Variants in C4orf50 observed in about 807,000 individuals in gnomAD.
C4orf50 encodes the protein chromosome 4 open reading frame 50.
A neutral mutation model predicts 77.2 loss-of-function variants in C4orf50; 80 were observed. That is an observed-to-expected ratio of 1.04 (90% CI 0.87 to 1.25). The LOEUF is 1.25. Among genes scored for constraint, C4orf50 ranks in the 50% most tolerant of loss-of-function variants. The probability of loss-of-function intolerance (pLI) is 0.00; values close to 1 mark genes in which losing one functional copy is unlikely to be tolerated. For synonymous variants in C4orf50, 532 were observed against 465.3 expected (o/e 1.14, Z -1.84); for missense variants, 1,257 against 1,152.9 (o/e 1.09, Z -1.31).
intron 7 of C4orf50, among the ~76,000 whole-genome samples, chr4:5,927,502 G>A (rs562821226): frequency 6.6e-6 from 1 of 152,110 alleles, no homozygotes; most frequent in Non-Finnish European, 1.5e-5. Context: ...CCCATGTGTT[G>A]AGGGAGGGAC....
At chr4:5,980,324 C>T in exon 29 of C4orf50, 1 of 1,610,742 alleles carries the variant, frequency 6.2e-7, no homozygotes, top group Non-Finnish European at 8.5e-7. Context: ...TAACCTCGGC[C>T]TCTGAGTCCC....
intron 7 of C4orf50, among the ~76,000 whole-genome samples, chr4:5,950,542 G>T (rs773874086): frequency 6.6e-6 from 1 of 152,148 alleles, no homozygotes; most frequent in Non-Finnish European, 1.5e-5. Flanking sequence ...GGTTGAATCT[G>T]TTCTTTTACT....
At chr4:5,910,907 CTTTTTTT>C (rs33913636) in intron 7 of C4orf50, among the ~76,000 whole-genome samples, 24 of 106,552 alleles carry the variant, frequency 2.3e-4, no homozygotes, top group African/African-American at 8.7e-4. Flanking sequence ...CCCTTTCTTT[CTTTTTTT>C]TTTTTTTTTT....
chr4:6,010,283 T>G (rs1325734409), intron 24 of C4orf50, among the ~76,000 whole-genome samples: 1 of 152,152 alleles, frequency 6.6e-6, no homozygotes, highest in East Asian at 1.9e-4. Context: ...CAGGGAGAAG[T>G]AACTCGATTT....
At chr4:6,004,800 ATGGTGATGT>A (rs1053955161) in intron 25 of C4orf50, among the ~76,000 whole-genome samples, 2 of 149,932 alleles carry the variant, frequency 1.3e-5, no homozygotes, top group African/African-American at 4.9e-5. Context: ...GGTGATGGTG[ATGGTGATGT>A]TGGTGATGAT....
chr4:5,982,817 C>G (rs1208546389), intron 28 of C4orf50, among the ~76,000 whole-genome samples: 1 of 151,888 alleles, frequency 6.6e-6, no homozygotes, highest in Non-Finnish European at 1.5e-5. Flanking sequence ...GGAGGAGAGG[C>G]CCCCCAGCAG....
chr4:5,990,935 G>C, intron 27 of C4orf50, 111 bp from the exon 6 acceptor site: 1 of 397,884 alleles, frequency 2.5e-6, no homozygotes, highest in Non-Finnish European at 4.4e-6. Context: ...GCTGCACAGG[G>C]GACAAGCTCT....
chr4:5,959,197 C>T, exon 34 of C4orf50: 2 of 711,146 alleles, frequency 2.8e-6, no homozygotes, highest in Non-Finnish European at 4.6e-6. Context: ...TTGCCAGGCA[C>T]AGGCCAGCGT....
chr4:5,949,497 C>G (rs529880101), intron 7 of C4orf50, among the ~76,000 whole-genome samples: 1 of 152,166 alleles, frequency 6.6e-6, no homozygotes, highest in African/African-American at 2.4e-5. Flanking sequence ...AGTAGCCGGA[C>G]TTATAGAGAC....
At chr4:5,926,763 C>T (rs1007118016) in intron 7 of C4orf50, among the ~76,000 whole-genome samples, 1 of 152,088 alleles carries the variant, frequency 6.6e-6, no homozygotes, top group African/African-American at 2.4e-5. Context: ...GCGCCCAGGC[C>T]CACCCTGCCT....
chr4:5,990,487 C>T (rs1472586312), exon 28 of C4orf50: 3 of 399,594 alleles, frequency 7.5e-6, no homozygotes, highest in African/African-American at 4.1e-5. Flanking sequence ...GGAGGCACCG[C>T]GGCCTCTTGT....
chr4:5,968,302 G>A lies in C4orf50; in HGVS notation c.4105-840C>T, dbSNP rs1407562132. 6.6e-5 allele frequency among the ~76,000 whole-genome samples: 10 copies of A among 152,282 alleles called. No homozygotes were observed. In the East Asian group the frequency reaches 9.6e-4, roughly 15 times the overall value. ...GGCAGAGTTCAGCCACTTGCCTCTCGCACAGCGCCTTCTCTGCTGCAGTGA... is the reference window on the plus strand; with the variant it reads ...GGCAGAGTTCAGCCACTTGCCTCTCACACAGCGCCTTCTCTGCTGCAGTGA... On this transcript the variant is annotated intron_variant, in intron 31 of 33. Transcript: ENST00000531445.
intron 28 of C4orf50, among the ~76,000 whole-genome samples, 185 bp downstream of exon 6, chr4:5,988,162 A>C (rs909823235): frequency 6.6e-6 from 1 of 152,172 alleles, no homozygotes; most frequent in African/African-American, 2.4e-5. Flanking sequence ...TCCATCCCTC[A>C]CTGGCTATGT....
intron 7 of C4orf50, among the ~76,000 whole-genome samples, chr4:5,943,138 A>T (rs1277002704): frequency 1.3e-5 from 2 of 152,204 alleles, no homozygotes; most frequent in African/African-American, 4.8e-5. Context: ...GCCAGAATCG[A>T]TGCTCAATAA....
chr4:6,010,683 A>G (rs559147640), intron 24 of C4orf50, among the ~76,000 whole-genome samples: 25 of 152,328 alleles, frequency 1.6e-4, no homozygotes, highest in African/African-American at 6.0e-4. Flanking sequence ...TGCATCCTAA[A>G]TAGCAGCAGA....
intron 28 of C4orf50, among the ~76,000 whole-genome samples, chr4:5,981,115 A>G (rs1293028320): frequency 1.3e-5 from 2 of 152,182 alleles, no homozygotes; most frequent in African/African-American, 4.8e-5. Flanking sequence ...CATACATACT[A>G]ACACAGATTT....
At position 5,900,243 on chromosome 4, in the gene C4orf50, A is replaced by AGAAAGGACCCCAGCTGT; in HGVS notation, c.*2475-2072_*2475-2056dup. The AGAAAGGACCCCAGCTGT allele has an allele frequency of 6.6e-6, 1 of 152,192 alleles. No homozygotes were observed. The highest frequency in any genetic ancestry group is 2.1e-4 in the South Asian group (1 of 4,830). The allele number at this position is 152,192 out of a possible 1,614,324, so 9.4% of individuals were successfully genotyped here. ...CAATAAATTGCTGAGTAAAACAAAT[A>AGAAAGGACCCCAGCTGT]GAAAGGACCCCAGCTGTAAAAGGAC... On this transcript the variant is annotated intron_variant, in intron 7 of 7. Coordinates refer to the C4orf50 transcript ENST00000324058. The surrounding 1 kb of genome is among the most constrained non-coding windows in gnomAD (Gnocchi z 4.3).
At chr4:5,965,185 C>T in intron 32 of C4orf50, 40 bp from the exon 11 acceptor site, 1 of 1,598,136 alleles carries the variant, frequency 6.3e-7, no homozygotes, top group Non-Finnish European at 8.5e-7. Context: ...CACCCAGGAA[C>T]CTAGGTGAAA....
chr4:5,955,277 ATT>A (rs1485472238), downstream of C4orf50, among the ~76,000 whole-genome samples: 2 of 151,836 alleles, frequency 1.3e-5, no homozygotes, highest in Non-Finnish European at 2.9e-5. The surrounding 1 kb of genome is among the most constrained non-coding windows in gnomAD (Gnocchi z 5.1). Flanking sequence ...AGGCAACCCC[ATT>A]TTACAGATGA....
Sources: allele counts gnomAD v4.1 joint callset (sites outside exome capture counted in the v4.1 genomes callset), GRCh38; gene constraint gnomAD v4.1.1; non-coding constraint Gnocchi (gnomAD v3.1); transcripts MANE v1.5; gene names NCBI Gene and HGNC (gene_info 2026-07-23, HGNC 2026-07-21).